The following SLC35F2 variants were observed in gnomAD, a reference collection of about 807,000 sequenced individuals.
SLC35F2 encodes solute carrier family 35 member F2.
Under a neutral mutation model 38.1 loss-of-function variants are expected in SLC35F2, and 25 were observed. That is an observed-to-expected ratio of 0.66 (90% CI 0.48 to 0.92). The LOEUF is 0.92. SLC35F2 is among the 40% of genes least tolerant of loss of function. The probability of loss-of-function intolerance (pLI) is 0.00; values close to 1 mark genes in which losing one functional copy is unlikely to be tolerated. For missense variants in SLC35F2, 409 were observed against 452.9 expected (o/e 0.90, Z 0.88); for synonymous variants, 173 against 181.7 (o/e 0.95, Z 0.38).
chr11:107,841,518 G>A (rs1860011592), intron 1 of SLC35F2, among the ~76,000 whole-genome samples: 1 of 141,170 alleles, frequency 7.1e-6, no homozygotes, highest in Admixed American at 7.6e-5. Context: ...AGCGGAGACT[G>A]TGCCACTGCA....
intron 1 of SLC35F2, among the ~76,000 whole-genome samples, chr11:107,847,933 C>T (rs565960066): frequency 2.0e-5 from 3 of 152,124 alleles, no homozygotes; most frequent in Non-Finnish European, 2.9e-5. Context: ...TACCTCATGT[C>T]GAGAAGACTG....
intron 1 of SLC35F2, chr11:107,823,938 AAAAAAGAAAAAAG>A: frequency 2.1e-6 from 2 of 947,278 alleles, no homozygotes; most frequent in East Asian, 1.2e-4. Context: ...AAAAAAAAAA[AAAAAAGAAAAAAG>A]AAAAGAAATA....
At chr11:107,844,622 CAATAAATA>C (rs57389430) in intron 1 of SLC35F2, among the ~76,000 whole-genome samples, 21,843 of 134,614 alleles carry the variant, frequency 0.16, 1,850 homozygotes, top group Middle Eastern at 0.21. Flanking sequence ...ACTCCTTCTC[CAATAAATA>C]AATAAATAAA....
At chr11:107,798,279 C>T (rs1238074704) in intron 7 of SLC35F2, among the ~76,000 whole-genome samples, 1 of 152,182 alleles carries the variant, frequency 6.6e-6, no homozygotes, top group Non-Finnish European at 1.5e-5. Flanking sequence ...GCTGGGATTA[C>T]AGGTGTGAGC....
intron 1 of SLC35F2, among the ~76,000 whole-genome samples, chr11:107,832,662 C>T (rs676108): frequency 0.36 from 54,649 of 151,752 alleles, 10,006 homozygotes; most frequent in South Asian, 0.47. Context: ...AAAAATTAGC[C>T]GGGTATGATG....
intron 1 of SLC35F2, among the ~76,000 whole-genome samples, chr11:107,852,703 C>T (rs1860206599): frequency 6.6e-6 from 1 of 151,842 alleles, no homozygotes; most frequent in African/African-American, 2.4e-5. Flanking sequence ...AAAACCCTGT[C>T]TCTACAAAAA....
At position 107,826,551 on chromosome 11, in the gene SLC35F2, A is replaced by C. The variant is rs12293452; in HGVS notation, c.111-10586T>G. 4.5e-3 allele frequency among the ~76,000 whole-genome samples: 688 copies of C among 152,264 alleles called. 8 individuals carry two copies. Among genetic ancestry groups the C allele is most frequent in the African/African-American group, 0.015 (644 of 41,566 alleles). On this transcript the variant is annotated intron_variant, in intron 1 of 7. Coordinates refer to ENST00000525815, the MANE Select transcript of SLC35F2 (RefSeq NM_017515.5). ...CAGCCACTGCATCCAGCCAAAACAA[A>C]ACTTTTTAAAAGTTGTGTATAGGGA...
chr11:107,842,342 G>A (rs1032955999), intron 1 of SLC35F2, among the ~76,000 whole-genome samples: 1 of 149,554 alleles, frequency 6.7e-6, no homozygotes, highest in Non-Finnish European at 1.5e-5. Context: ...TGGTGGAAGT[G>A]GAAAAAAAAT....
chr11:107,800,903 CT>C (rs71303238), intron 7 of SLC35F2, among the ~76,000 whole-genome samples: 3,097 of 126,022 alleles, frequency 0.025, 77 homozygotes, highest in African/African-American at 0.083. Flanking sequence ...GCTATTACTA[CT>C]TTTTTTTTTT....
intron 7 of SLC35F2, among the ~76,000 whole-genome samples, chr11:107,800,903 C>CTTTTTTTTTTTT (rs71303238): frequency 4.8e-5 from 6 of 126,200 alleles, no homozygotes; most frequent in African/African-American, 1.6e-4. Context: ...GCTATTACTA[C>CTTTTTTTTTTTT]TTTTTTTTTT....
rs756386677 is a variant in SLC35F2 at position 107,826,142 on chromosome 11, C to A, written c.111-10177G>T. The stretch of plus-strand genomic sequence containing the variant: ...TACTGTACAGCTATAAAAAGCAAGG[C>A]ACATATTTATATGTACTGTTATAAA... On this transcript the variant is annotated intron_variant, in intron 1 of 7. Transcript: ENST00000525815. 3.9e-4 allele frequency among the ~76,000 whole-genome samples: 60 copies of A among 152,022 alleles called. 2 individuals carry two copies. Among genetic ancestry groups the A allele is most frequent in the Non-Finnish European group, 3.4e-4 (23 of 68,014 alleles).
At chr11:107,816,035 C>A in intron 1 of SLC35F2, 70 bp from the exon 2 acceptor site, 2 of 1,434,006 alleles carry the variant, frequency 1.4e-6, no homozygotes, top group Non-Finnish European at 1.8e-6. Context: ...CACACACACA[C>A]ACACACACAC....
intron 1 of SLC35F2, among the ~76,000 whole-genome samples, chr11:107,833,179 G>C (rs1163067538): frequency 2.0e-5 from 3 of 151,986 alleles, no homozygotes; most frequent in African/African-American, 7.3e-5. Context: ...TTTTATTTTT[G>C]ATCCATTTGC....
intron 1 of SLC35F2, among the ~76,000 whole-genome samples, chr11:107,822,749 C>A (rs1253830802): frequency 6.6e-6 from 1 of 151,874 alleles, no homozygotes; most frequent in Admixed American, 6.6e-5. Flanking sequence ...CACAAAACCA[C>A]AATAAAATGA....
At chr11:107,803,491 A>G (rs943004193) in intron 6 of SLC35F2, 12 of 985,096 alleles carry the variant, frequency 1.2e-5, no homozygotes, top group Admixed American at 6.2e-5. Context: ...TAAAAGGCCA[A>G]TAAAGGCAGA....
intron 3 of SLC35F2, 70 bp downstream of exon 3, chr11:107,811,597 C>A: frequency 1.4e-6 from 2 of 1,401,748 alleles, no homozygotes; most frequent in South Asian, 2.9e-5. Flanking sequence ...AAAATTAGGT[C>A]AACACATATG....
chr11:107,814,942 G>C (rs1374512048), intron 2 of SLC35F2, among the ~76,000 whole-genome samples: 1 of 152,142 alleles, frequency 6.6e-6, no homozygotes, highest in African/African-American at 2.4e-5. Flanking sequence ...GCCAGGTGTG[G>C]TGGTGTGCAC....
rs191851009 is a variant in SLC35F2 at position 107,845,107 on chromosome 11, C to T, written c.110+13551G>A. Among the ~76,000 whole-genome samples, 195 of 152,130 alleles carry T rather than the reference C, an allele frequency of 1.3e-3. 1 individual carries two copies. Among genetic ancestry groups the T allele is most frequent in the African/African-American group, 4.6e-3 (191 of 41,512 alleles). On this transcript the variant is annotated intron_variant, in intron 1 of 7. Coordinates refer to ENST00000525815, the MANE Select transcript of SLC35F2 (RefSeq NM_017515.5). ...ATTATTTTTATTTCTTGCTTCATAT[C>T]ACAGTGAAAAGCTTAGGAAATGCTC...
chr11:107,819,909 A>C (rs922548355), intron 1 of SLC35F2, among the ~76,000 whole-genome samples: 4 of 152,150 alleles, frequency 2.6e-5, no homozygotes, highest in African/African-American at 9.7e-5. Flanking sequence ...ACCCATTGTC[A>C]TACTGTCCGT....
Sources: gnomAD v4.1 joint callset for allele counts (sites outside exome capture counted in the v4.1 genomes callset) on GRCh38, gnomAD v4.1.1 for gene constraint, MANE v1.5 for transcripts, NCBI Gene and HGNC (gene_info 2026-07-23, HGNC 2026-07-21) for gene names.